Variants in FBXL17 observed in about 807,000 individuals in gnomAD.
The protein encoded by FBXL17 is F-box and leucine rich repeat protein 17.
A neutral mutation model predicts 66.2 loss-of-function variants in FBXL17; 22 were observed. That is an observed-to-expected ratio of 0.33 (90% CI 0.24 to 0.47). The LOEUF is 0.47. FBXL17 is among the 20% of genes least tolerant of loss of function. FBXL17 has a pLI of 1.00. For missense variants in FBXL17, 878 were observed against 948.2 expected (o/e 0.93, Z 0.97); for synonymous variants, 474 against 400.5 (o/e 1.18, Z -2.19).
chr5:108,284,825 G>A (rs1470126774), intron 4 of FBXL17, among the ~76,000 whole-genome samples: 2 of 151,862 alleles, frequency 1.3e-5, no homozygotes, highest in African/African-American at 4.8e-5. Flanking sequence ...AGTGGCTGCT[G>A]AAGCTTGGGG....
chr5:108,152,984 G>A (rs1262307200), intron 6 of FBXL17, among the ~76,000 whole-genome samples: 1 of 152,120 alleles, frequency 6.6e-6, no homozygotes, highest in Non-Finnish European at 1.5e-5. Context: ...TTCCCATGCT[G>A]TTCTCATGAC....
intron 6 of FBXL17, among the ~76,000 whole-genome samples, chr5:108,147,237 A>G (rs1387162046): frequency 6.6e-6 from 1 of 152,202 alleles, no homozygotes; most frequent in African/African-American, 2.4e-5. Flanking sequence ...CATCCAGCAT[A>G]AACTCGAAGC....
In FBXL17 at chr5:108,092,662, T is replaced by C. The variant is rs75518880; in HGVS notation, c.1746-71661A>G. Among the ~76,000 whole-genome samples, 808 of 152,238 alleles carry C rather than the reference T, an allele frequency of 5.3e-3. 4 individuals carry two copies. Among genetic ancestry groups the C allele is most frequent in the Non-Finnish European group, 8.0e-3 (541 of 68,016 alleles). On this transcript the variant is annotated intron_variant, in intron 6 of 8. Coordinates refer to ENST00000542267, the MANE Select transcript of FBXL17 (RefSeq NM_001163315.3). Reference sequence around the variant, plus strand: ...ATATGGAATTAACAAAATTTGGAGTTGTTTTCTATTGCCAAGAATCATTTA... The same window carrying C: ...ATATGGAATTAACAAAATTTGGAGTCGTTTTCTATTGCCAAGAATCATTTA...
intron 4 of FBXL17, among the ~76,000 whole-genome samples, chr5:108,224,528 TACACACACACACACACACACAC>T (rs138044828): frequency 0.023 from 3,459 of 147,358 alleles, 139 homozygotes; most frequent in African/African-American, 0.083. Flanking sequence ...TGTATATGTA[TACACACACACACACACACACAC>T]ACACACAAAC....
chr5:108,169,823 G>A (rs1432749615), intron 6 of FBXL17, among the ~76,000 whole-genome samples: 1 of 151,968 alleles, frequency 6.6e-6, no homozygotes, highest in African/African-American at 2.4e-5. Flanking sequence ...CTTGAACATA[G>A]GCTTATATTC....
chr5:108,145,233 T>C (rs1428487303), intron 6 of FBXL17, among the ~76,000 whole-genome samples: 1 of 152,180 alleles, frequency 6.6e-6, no homozygotes, highest in Non-Finnish European at 1.5e-5. Context: ...TTTCTACTTC[T>C]GTCATTACAA....
intron 7 of FBXL17, among the ~76,000 whole-genome samples, chr5:107,921,064 A>C (rs1266181740): frequency 6.6e-6 from 1 of 152,230 alleles, no homozygotes; most frequent in Non-Finnish European, 1.5e-5. Context: ...TCAAAGGGTA[A>C]ATGATTTAAA....
At chr5:108,054,923 G>A (rs1747626929) in intron 6 of FBXL17, among the ~76,000 whole-genome samples, 1 of 152,084 alleles carries the variant, frequency 6.6e-6, no homozygotes, top group Non-Finnish European at 1.5e-5. Flanking sequence ...TGTTTGATAG[G>A]TGATGTCTGG....
At chr5:107,861,906 C>T (rs1453923203) in intron 8 of FBXL17, 46 bp from the exon 9 acceptor site, 19 of 1,428,734 alleles carry the variant, frequency 1.3e-5, no homozygotes, top group African/African-American at 2.9e-5. Context: ...ACCACCAACA[C>T]CACGCCGCTG....
chr5:107,932,093 C>T (rs1220102174), intron 7 of FBXL17, among the ~76,000 whole-genome samples: 1 of 152,100 alleles, frequency 6.6e-6, no homozygotes. Flanking sequence ...AAGAGGCATA[C>T]CCTTGGAAAG....
At chr5:108,127,392 A>G (rs1750763899) in intron 6 of FBXL17, among the ~76,000 whole-genome samples, 1 of 152,220 alleles carries the variant, frequency 6.6e-6, no homozygotes, top group Non-Finnish European at 1.5e-5. Flanking sequence ...GTGCTGGCAC[A>G]AGGGGCTTAT....
intron 7 of FBXL17, among the ~76,000 whole-genome samples, chr5:107,935,510 G>A (rs759034610): frequency 1.3e-4 from 19 of 151,760 alleles, no homozygotes; most frequent in Non-Finnish European, 1.5e-4. Flanking sequence ...GTAATGGAAC[G>A]CTTTTCACAG....
At chr5:107,963,912 C>A (rs542104294) in intron 7 of FBXL17, among the ~76,000 whole-genome samples, 31 of 152,224 alleles carry the variant, frequency 2.0e-4, no homozygotes, top group African/African-American at 7.2e-4. Context: ...TGAGGTTAAT[C>A]ATCAGATAAT....
At chr5:108,268,195 C>A (rs1757121756) in intron 4 of FBXL17, among the ~76,000 whole-genome samples, 5 of 151,924 alleles carry the variant, frequency 3.3e-5, no homozygotes, top group Admixed American at 3.3e-4. Context: ...AGTGGATATT[C>A]AACTCATGAA....
At chr5:108,049,204 G>A (rs796637487) in intron 6 of FBXL17, among the ~76,000 whole-genome samples, 39 of 151,712 alleles carry the variant, frequency 2.6e-4, no homozygotes, top group African/African-American at 9.4e-4. Context: ...GTGCAGCGGC[G>A]AGATCTCGAC....
At chr5:108,154,090 A>G (rs1751872431) in intron 6 of FBXL17, among the ~76,000 whole-genome samples, 1 of 152,082 alleles carries the variant, frequency 6.6e-6, no homozygotes. Flanking sequence ...CATCAGGTAA[A>G]TGGTGGGTTA....
intron 5 of FBXL17, among the ~76,000 whole-genome samples, chr5:108,214,558 G>C (rs1328258275): frequency 6.6e-6 from 1 of 151,844 alleles, no homozygotes; most frequent in South Asian, 2.1e-4. Context: ...TTTTAGTAGA[G>C]ACAGCATTTC....
At chr5:107,954,193 AT>A (rs1182158371) in intron 7 of FBXL17, among the ~76,000 whole-genome samples, 1 of 152,236 alleles carries the variant, frequency 6.6e-6, no homozygotes, top group African/African-American at 2.4e-5. Flanking sequence ...ATTTTATTTA[AT>A]ATACTAATTC....
At position 108,306,260 on chromosome 5, in the gene FBXL17, T is replaced by A. The variant is rs138110219; in HGVS notation, c.1506+42139A>T. Among the ~76,000 whole-genome samples, 100 of 152,190 alleles carry A rather than the reference T, an allele frequency of 6.6e-4. 1 individual carries two copies. In the East Asian group the frequency reaches 0.018, roughly 28 times the overall value. The stretch of plus-strand genomic sequence containing the variant: ...GCCTCAAGTAGGCCTAAAGACTTAA[T>A]CAATGATGCTGTGAATGAGAAACGC... On this transcript the variant is annotated intron_variant, in intron 4 of 8. Transcript: ENST00000542267.
Sources: allele counts gnomAD v4.1 joint callset (sites outside exome capture counted in the v4.1 genomes callset), GRCh38; gene constraint gnomAD v4.1.1; transcripts MANE v1.5; gene names NCBI Gene and HGNC (gene_info 2026-07-23, HGNC 2026-07-21).